Variants in CYP4F8 observed in about 807,000 individuals in gnomAD.
CYP4F8 encodes the protein cytochrome P450 family 4 subfamily F member 8.
CYP4F8 carries 56 observed loss-of-function variants against 55.0 expected under a neutral mutation model. That is an observed-to-expected ratio of 1.02 (90% CI 0.82 to 1.27). CYP4F8 has a LOEUF of 1.27. CYP4F8 is among the 50% of genes most tolerant of loss of function. CYP4F8 has a pLI of 0.00. For synonymous variants in CYP4F8, 288 were observed against 267.3 expected, an observed-to-expected ratio of 1.08 and a Z score of -0.76; for missense variants, 680 against 682.4, an observed-to-expected ratio of 1.00 and a Z score of 0.04.
intron 5 of CYP4F8, among the ~76,000 whole-genome samples, chr19:15,619,986 C>A (rs1333391645): frequency 1.3e-5 from 2 of 152,162 alleles, no homozygotes; most frequent in Non-Finnish European, 2.9e-5. Context: ...GAGTCAATTT[C>A]CACATTTTTC....
chr19:15,628,971 G>T, intron 12 of CYP4F8, 128 bp downstream of exon 12: 1 of 1,289,750 alleles, frequency 7.8e-7, no homozygotes, highest in South Asian at 1.4e-5. Context: ...CTAGGAAAAA[G>T]GGTGTGCTCA....
In CYP4F8 at chr19:15,623,715, A is replaced by G. The variant is rs1599861220; in HGVS notation, c.935A>G (p.Glu312Gly). The change falls in exon 8 of 13, where the codon GAG (glutamate) becomes GGG (glycine). Residue 312 changes from glutamate (E) to glycine (G), a missense_variant. Glu to Gly is a moderately conservative substitution (Grantham distance 98). Transcript: ENST00000612078. ...TGTCTCCAGGATAAAAATGGTAAAG[A>G]GTTGTCAGATGAGGACATAAGAGCA... ...LLLSEDKNGK[E>G]LSDEDIRAEA... 6.2e-7 allele frequency: 1 copy of G among 1,614,156 alleles called. No individual in the cohort carries two copies.
rs1172453123 is a variant in CYP4F8 at position 15,629,243 on chromosome 19, C to A, written c.1448C>A (p.Ala483Glu). ...FAMAEMKVVL[A>E]LTLLRFRILP... is the part of the protein sequence containing the mutation. ...ATGGCAGAGATGAAGGTGGTCCTGG[C>A]GCTCACGCTGCTGCGCTTCCGCATC... The change falls in exon 13 of 13, where the codon GCG becomes GAG. Residue 483 changes from alanine (A) to glutamate (E), a missense_variant. By Grantham distance (107) the Ala-to-Glu change is moderately radical (BLOSUM62 -1). Transcript: ENST00000612078. The A allele has an allele frequency of 1.9e-6, 3 of 1,613,050 alleles. No homozygotes were observed. The highest frequency in any genetic ancestry group is 1.3e-5 in the African/African-American group (1 of 74,886).
chr19:15,628,264 G>T (rs763712536), intron 9 of CYP4F8, 38 bp from the exon 10 acceptor site: 2 of 1,613,180 alleles, frequency 1.2e-6, no homozygotes, highest in East Asian at 2.2e-5. Context: ...CAGGAGGGCC[G>T]TGTATGCTCT....
intron 3 of CYP4F8, chr19:15,619,282 G>T (rs1450388932): frequency 3.5e-6 from 2 of 576,330 alleles, no homozygotes; most frequent in African/African-American, 1.9e-5. Context: ...CCATGTCAGG[G>T]TGTATCATTG....
chr19:15,617,523 T>TATCG (rs1299746003), intron 2 of CYP4F8, among the ~76,000 whole-genome samples: 9 of 147,282 alleles, frequency 6.1e-5, no homozygotes, highest in African/African-American at 2.0e-4. Context: ...TCTATCTATC[T>TATCG]ATCTATCTAT....
chr19:15,630,001 A>C lies in CYP4F8; in HGVS notation c.*643A>C, dbSNP rs1216500415. On this transcript the variant is annotated 3_prime_UTR_variant, in exon 13 of 13. Coordinates refer to ENST00000612078, the MANE Select transcript of CYP4F8 (RefSeq NM_007253.4). ...TCTCCTGACTCAGTCGCCTGAGTAG[A>C]TAGGATAACAGGCGCCTACCACCAC... The C allele has an allele frequency of 6.5e-6, 1 of 152,962 alleles. No homozygotes were observed. The highest frequency in any genetic ancestry group is 1.4e-5 in the Non-Finnish European group (1 of 69,034). 9.5% of individuals were successfully genotyped at this position (152,962 alleles called of 1,614,324 possible). A position where few individuals can be genotyped will look rare whatever the true frequency, so the allele number is the denominator to read the frequency against.
At position 15,623,134 on chromosome 19, in the gene CYP4F8, T is replaced by C; in HGVS notation, c.677T>C (p.Met226Thr). ...CCCAGTGAATATATTACTGCGATCATGGAGCTCAGTGCCCTTGTAGTGAAA... is the reference window on the plus strand; with the variant it reads ...CCCAGTGAATATATTACTGCGATCACGGAGCTCAGTGCCCTTGTAGTGAAA... ...EKPSEYITAI[M>T]ELSALVVKRN... Residue 226 changes from methionine (M) to threonine (T), a missense_variant, in exon 7 of 13, where the codon ATG (methionine) becomes ACG (threonine). By Grantham distance (81) the Met-to-Thr change is moderately conservative. Transcript: ENST00000612078. 6.2e-7 allele frequency: 1 copy of C among 1,614,118 alleles called. No homozygotes were observed. Among genetic ancestry groups the C allele is most frequent in the Non-Finnish European group, 8.5e-7 (1 of 1,180,020 alleles).
At chr19:15,627,338 G>A (rs1972275528) in intron 9 of CYP4F8, 1 of 152,106 alleles carries the variant, frequency 6.6e-6, no homozygotes, top group Non-Finnish European at 1.5e-5. Context: ...GTTGGGTGTG[G>A]TGGTGCACAC....
At chr19:15,621,397 G>C (rs144392205) in intron 5 of CYP4F8, among the ~76,000 whole-genome samples, 1 of 152,136 alleles carries the variant, frequency 6.6e-6, no homozygotes, top group Non-Finnish European at 1.5e-5. Context: ...GTGGTGGTGC[G>C]TGCCTGTAAC....
chr19:15,629,518 G>C lies in CYP4F8; in HGVS notation c.*160G>C. 2.9e-6 allele frequency: 3 copies of C among 1,034,308 alleles called. No homozygotes were observed. The South Asian group carries it at 5.4e-5, about 19-fold the overall frequency. The allele number at this position is 1,034,308 out of a possible 1,614,324, so 64.1% of individuals were successfully genotyped here. On this transcript the variant is annotated 3_prime_UTR_variant, in exon 13 of 13. Transcript: ENST00000612078. ...ACTGCGGGGATCTAGGGCCTGGCTG[G>C]GAAGAGGCGGGGAGATGTCTCTGTG...
chr19:15,618,073 G>A lies in CYP4F8; in HGVS notation c.272G>A (p.Trp91Ter), dbSNP rs774891678. 2 of 1,614,076 alleles carry A rather than the reference G, an allele frequency of 1.2e-6. No homozygotes were observed. The highest frequency in any genetic ancestry group is 1.7e-5 in the Admixed American group (1 of 60,016). The change falls in exon 3 of 13, where the codon TGG (tryptophan) becomes TAG (stop). Residue 91 changes from tryptophan to a stop codon, truncating the protein, a stop_gained. Transcript: ENST00000612078. LOFTEE classifies it high-confidence loss of function. Reference sequence around the variant, plus strand: ...ACCTACCCCCAGGGCTTTGTGAGGTGGTTGGGCCCCATCACTCCCATCATC... The same window carrying A: ...ACCTACCCCCAGGGCTTTGTGAGGTAGTTGGGCCCCATCACTCCCATCATC... The part of the protein sequence containing the change: ...VATYPQGFVR[W>*]LGPITPIINL...
rs1218198243 is a variant in CYP4F8, at chr19:15,629,272, C to T, written c.1477C>T (p.Pro493Ser). 6.2e-7 allele frequency: 1 copy of T among 1,613,234 alleles called. No individual in the cohort carries two copies. Among genetic ancestry groups the T allele is most frequent in the South Asian group, 1.1e-5 (1 of 90,864 alleles). ...CACGCTGCTGCGCTTCCGCATCCTG[C>T]CCGACCACAGGGAGCCACGCAGGAC... is the stretch of plus-strand genomic sequence containing the variant. ...ALTLLRFRIL[P>S]DHREPRRTPE... is the part of the protein sequence containing the mutation. Residue 493 changes from proline (P) to serine (S), a missense_variant, in exon 13 of 13, where the codon CCC becomes TCC. Transcript: ENST00000612078.
chr19:15,617,971 G>A (rs1248547735), intron 2 of CYP4F8, 29 bp from the exon 3 acceptor site: 1 of 1,609,194 alleles, frequency 6.2e-7, no homozygotes, highest in Non-Finnish European at 8.5e-7. Context: ...AGTGGACACA[G>A]GAGGTGATGG....
Position 15,628,895 on chromosome 19 carries a change from G to T in CYP4F8, c.1397+52G>T, listed in dbSNP as rs577210727. On this transcript the variant is annotated intron_variant, in intron 12 of 12. Transcript: ENST00000612078. ...GCATGGGCTGAGGGTGGCACAGATG[G>T]CTGCCTTGTCAGATGCCTGACTTGT... is the stretch of plus-strand genomic sequence containing the variant. The T allele has an allele frequency of 6.2e-5, 94 of 1,518,458 alleles. No individual in the cohort carries two copies. In the East Asian group the frequency reaches 2.0e-3, roughly 33 times the overall value. The allele number at this position is 1,518,458 out of a possible 1,614,324, so 94.1% of individuals were successfully genotyped here.
At position 15,628,553 on chromosome 19, in the gene CYP4F8, C is replaced by T. The variant is rs1279616576; in HGVS notation, c.1272C>T (p.Ile424=). 2 of 1,613,808 alleles carry T rather than the reference C, an allele frequency of 1.2e-6. No homozygotes were observed. Among genetic ancestry groups the T allele is most frequent in the Admixed American group, 3.3e-5 (2 of 60,000 alleles). ...CAGGGAATGTCTGTAACATCAACAT[C>T]TTCGCAATCCATCACAACCCCTCAG... ...IPKGNVCNIN[I]FAIHHNPSVW... Residue 424 remains isoleucine (I), a synonymous_variant, in exon 11 of 13, where the codon ATC becomes ATT. Transcript: ENST00000612078.
intron 5 of CYP4F8, chr19:15,621,880 G>C (rs1223232869): frequency 4.9e-6 from 1 of 202,104 alleles, no homozygotes; most frequent in African/African-American, 2.4e-5. Flanking sequence ...GTCTAAGAGT[G>C]GGGGAAAAGG....
At chr19:15,622,796 G>A in intron 6 of CYP4F8, 2 of 458,182 alleles carry the variant, frequency 4.4e-6, no homozygotes, top group South Asian at 4.5e-5. Context: ...GACACAGCAT[G>A]CAAGGATGCC....
chr19:15,629,359 G>A lies in CYP4F8; in HGVS notation c.*1G>A. 2 of 1,601,634 alleles carry A rather than the reference G, an allele frequency of 1.2e-6. No individual in the cohort carries two copies. The highest frequency in any genetic ancestry group is 1.1e-5 in the South Asian group (1 of 89,020). ...GCTGCGAGTAGAACCCCTGGGCTGA[G>A]GCCTGCAGTGACCCACCCACCTACC... On this transcript the variant is annotated 3_prime_UTR_variant, in exon 13 of 13. Transcript: ENST00000612078.
Sources: allele counts gnomAD v4.1 joint callset (sites outside exome capture counted in the v4.1 genomes callset), GRCh38; gene constraint gnomAD v4.1.1; transcripts MANE v1.5; gene names NCBI Gene and HGNC (gene_info 2026-07-23, HGNC 2026-07-21).